Variants in ANKRD24 observed in about 807,000 individuals in gnomAD.
The protein encoded by ANKRD24 is ankyrin repeat domain-containing protein 24.
In ANKRD24, 109 loss-of-function variants were observed where a neutral mutation model predicts 127.8. The observed-to-expected ratio is 0.85, with a 90% CI of 0.73 to 1.00. The LOEUF (loss-of-function observed/expected upper bound fraction) is 1.00, where lower values mean the gene tolerates loss of function less well. ANKRD24 is among the 50% of genes least tolerant of loss of function. ANKRD24 has a pLI of 0.00. For synonymous variants in ANKRD24, 743 were observed against 671.1 expected (o/e 1.11, Z -1.66); for missense variants, 1,648 against 1,570.2 (o/e 1.05, Z -0.84).
At chr19:4,194,472 C>G (rs1398265182) in intron 2 of ANKRD24, among the ~76,000 whole-genome samples, 1 of 152,096 alleles carries the variant, frequency 6.6e-6, no homozygotes, top group Non-Finnish European at 1.5e-5. Flanking sequence ...AATTTCATAT[C>G]ATTTTTCACG....
rs568436263 is a variant in ANKRD24, at chr19:4,187,570, A to G, written c.36+1109A>G. Among the ~76,000 whole-genome samples the G allele has an allele frequency of 2.6e-5, 4 of 152,300 alleles. 1 individual carries two copies. In the South Asian group the frequency reaches 8.3e-4, roughly 32 times the overall value. On this transcript the variant is annotated intron_variant, in intron 2 of 21. Transcript: ENST00000318934. ...TTTGGCTATGAACTCCTAGAAAGAC[A>G]TGCTTCTTCCTCCATTGTCCCCATT...
intron 15 of ANKRD24, among the ~76,000 whole-genome samples, chr19:4,214,270 C>T (rs1599452788): frequency 6.6e-6 from 1 of 151,506 alleles, no homozygotes; most frequent in Non-Finnish European, 1.5e-5. Context: ...CGGCCTCAAG[C>T]AATCCTCTCA....
chr19:4,199,928 C>T lies in ANKRD24; in HGVS notation c.177C>T (p.Asn59=), dbSNP rs535029289. The change falls in exon 4 of 22, where the codon AAC becomes AAT. Residue 59 remains asparagine (N), a synonymous_variant. Transcript: ENST00000318934. This position sits in a 1 kb window ranked among gnomAD's most constrained non-coding sequence, Gnocchi z 5.2. ...GGCTGCTACAAGCCGTGGAAAACAA[C>T]GATGCACCTCGGGTGGCCGCCCTCA... ...DERLLQAVEN[N]DAPRVAALIA... 51 of 1,569,242 alleles carry T rather than the reference C, an allele frequency of 3.2e-5. No individual in the cohort carries two copies. The highest frequency in any genetic ancestry group is 7.1e-5 in the East Asian group (3 of 42,016).
rs924560520 is a variant in ANKRD24, at chr19:4,199,983, C to G, written c.232C>G (p.Leu78Val). The G allele has an allele frequency of 6.4e-7, 1 of 1,564,984 alleles. No individual in the cohort carries two copies. The highest frequency in any genetic ancestry group is 8.7e-7 in the Non-Finnish European group (1 of 1,154,682). Residue 78 changes from leucine to valine, a missense_variant, in exon 4 of 22, where the codon CTA (leucine) becomes GTA (valine). Leu to Val is a conservative substitution (Grantham distance 32, BLOSUM62 1). Coordinates refer to ENST00000318934, the MANE Select transcript of ANKRD24 (RefSeq NM_001393985.1). This position sits in a 1 kb window ranked among gnomAD's most constrained non-coding sequence, Gnocchi z 5.2. The stretch of plus-strand genomic sequence containing the variant: ...CCGCAAGGGGCTGGTGCCCACGAAG[C>G]TAGACCCCGAGGGCAAGTCCGCGTG... ...IARKGLVPTK[L>V]DPEGKSAFHL...
In ANKRD24 at chr19:4,217,671, C is replaced by T; in HGVS notation, c.2511C>T (p.Ala837=). 1 of 1,285,122 alleles carries T rather than the reference C, an allele frequency of 7.8e-7. No individual in the cohort carries two copies. The highest frequency in any genetic ancestry group is 9.8e-7 in the Non-Finnish European group (1 of 1,020,152). 79.6% of individuals were successfully genotyped at this position (1,285,122 alleles called of 1,614,324 possible). Residue 837 remains alanine (A), a synonymous_variant, in exon 18 of 22, where the codon GCC becomes GCT. Coordinates refer to ENST00000318934, the MANE Select transcript of ANKRD24 (RefSeq NM_001393985.1). ...CGCGGGGCCTGCGGGCCGAGCTGGCCCAGCGGGAGGAGGCGCGGCTGGAGC... is the reference window on the plus strand; with the variant it reads ...CGCGGGGCCTGCGGGCCGAGCTGGCTCAGCGGGAGGAGGCGCGGCTGGAGC... ...EEARGLRAEL[A]QREEARLEQS... is the part of the protein sequence containing the mutation.
intron 18 of ANKRD24, among the ~76,000 whole-genome samples, chr19:4,218,500 G>A (rs1371957132): frequency 2.6e-5 from 4 of 151,568 alleles, no homozygotes; most frequent in Non-Finnish European, 4.4e-5. Context: ...GGAGTTCACC[G>A]TGTTGGCCAG....
chr19:4,202,367 G>A (rs1414928318), intron 6 of ANKRD24, among the ~76,000 whole-genome samples: 2 of 151,944 alleles, frequency 1.3e-5, no homozygotes, highest in East Asian at 3.9e-4. Flanking sequence ...TCAGGAGTTC[G>A]AGACCAGCCT....
intron 21 of ANKRD24, 59 bp from the exon 22 acceptor site, chr19:4,224,369 G>C (rs1191343581): frequency 3.2e-6 from 5 of 1,565,212 alleles, no homozygotes; most frequent in Non-Finnish European, 4.4e-6. Flanking sequence ...AGTGGTGGAG[G>C]GACTTGGGGC....
In ANKRD24 at chr19:4,194,214, G is replaced by A. The variant is rs905298831; in HGVS notation, c.37-5469G>A. Among the ~76,000 whole-genome samples the A allele has an allele frequency of 3.3e-5, 5 of 152,130 alleles. No individual in the cohort carries two copies. The East Asian group carries it at 9.6e-4, about 29-fold the overall frequency. ...GTCTGGCTCTGTCACCCAGGCTGGA[G>A]TGCTCTCAGGTTACTGCAACCTCAG... On this transcript the variant is annotated intron_variant, in intron 2 of 21. Transcript: ENST00000318934.
intron 7 of ANKRD24, among the ~76,000 whole-genome samples, chr19:4,205,764 C>T (rs934148082): frequency 7.2e-5 from 11 of 152,080 alleles, no homozygotes; most frequent in African/African-American, 2.7e-4. Context: ...AGGAGAATCG[C>T]TGGAACCGGG....
At chr19:4,215,495 A>G (rs1330037518) in intron 15 of ANKRD24, among the ~76,000 whole-genome samples, 1 of 149,274 alleles carries the variant, frequency 6.7e-6, no homozygotes, top group Non-Finnish European at 1.5e-5. Flanking sequence ...GGCCAGGCAC[A>G]GTGGCTCATG....
At chr19:4,193,358 G>A (rs1968496089) in intron 2 of ANKRD24, among the ~76,000 whole-genome samples, 1 of 151,264 alleles carries the variant, frequency 6.6e-6, no homozygotes. Flanking sequence ...AGGGCTGTCA[G>A]AGAAGGGCTC....
chr19:4,204,522 G>A (rs1268720885), intron 7 of ANKRD24, among the ~76,000 whole-genome samples: 1 of 152,118 alleles, frequency 6.6e-6, no homozygotes, highest in East Asian at 1.9e-4. Context: ...GCCCCTAGGA[G>A]ATACCAGGAA....
chr19:4,200,893 ACGAAC>A (rs1174981409), intron 5 of ANKRD24, among the ~76,000 whole-genome samples: 1 of 152,160 alleles, frequency 6.6e-6, no homozygotes, highest in East Asian at 1.9e-4. Context: ...GGACCATTGG[ACGAAC>A]TAAGCTTTGA....
intron 20 of ANKRD24, among the ~76,000 whole-genome samples, chr19:4,223,444 A>C (rs1970574777): frequency 7.6e-6 from 1 of 131,156 alleles, no homozygotes; most frequent in Non-Finnish European, 1.5e-5. Context: ...TCTGTCACCC[A>C]GGCTGGAGTG....
Position 4,208,779 on chromosome 19 carries a change from A to C in ANKRD24, c.848A>C (p.Asp283Ala), listed in dbSNP as rs768805818. ...PSPPSALTED[D>A]SGEASSQNSM... ...CTCTCCCCAGCCCTCACAGAGGATG[A>C]TTCAGGCGAGGCGTCATCTCAGGTA... is the stretch of plus-strand genomic sequence containing the variant. Residue 283 changes from aspartate (D) to alanine (A), a missense_variant, in exon 11 of 22, where the codon GAT (aspartate) becomes GCT (alanine). Coordinates refer to ENST00000318934, the MANE Select transcript of ANKRD24 (RefSeq NM_001393985.1). The C allele has an allele frequency of 6.2e-7, 1 of 1,613,134 alleles. No homozygotes were observed. The highest frequency in any genetic ancestry group is 8.5e-7 in the Non-Finnish European group (1 of 1,179,600).
At chr19:4,202,955 C>T in intron 7 of ANKRD24, 29 bp downstream of exon 7, 1 of 1,533,710 alleles carries the variant, frequency 6.5e-7, no homozygotes, top group Non-Finnish European at 8.8e-7. Flanking sequence ...TGCCCTGACC[C>T]CGAAGCCCAG....
chr19:4,200,043 G>T, intron 4 of ANKRD24, 38 bp downstream of exon 4: 1 of 1,569,208 alleles, frequency 6.4e-7, no homozygotes, highest in Non-Finnish European at 8.7e-7. Context: ...TGGCTGAGGG[G>T]TGGCAACCTT....
chr19:4,205,025 CAGG>C lies in ANKRD24; in HGVS notation c.466+2102_466+2104del, dbSNP rs539877841. On this transcript the variant is annotated intron_variant, in intron 7 of 21. Transcript: ENST00000318934. ...GCCTGAGGCGGGCGGATCATGAGGT[CAGG>C]AGATCAAGACCATCCTGGCCAACAC... Among the ~76,000 whole-genome samples, 8 of 152,278 alleles carry C rather than the reference CAGG, an allele frequency of 5.3e-5. No homozygotes were observed. In the South Asian group the frequency reaches 1.0e-3, roughly 20 times the overall value.
Sources: gnomAD v4.1 joint callset for allele counts (sites outside exome capture counted in the v4.1 genomes callset) on GRCh38, gnomAD v4.1.1 for gene constraint, Gnocchi (gnomAD v3.1) non-coding constraint, MANE v1.5 for transcripts, NCBI Gene and HGNC (gene_info 2026-07-23, HGNC 2026-07-21) for gene names.